Variants in BCL2L13 observed in about 807,000 individuals in gnomAD.
BCL2L13 encodes BCL2 like 13, also known as bcl-2-like protein 13.
A neutral mutation model predicts 25.8 loss-of-function variants in BCL2L13; 13 were observed. The observed-to-expected ratio is 0.50, with a 90% CI of 0.33 to 0.80. The LOEUF is 0.80. BCL2L13 is among the 30% of genes least tolerant of loss of function. The pLI, the probability that BCL2L13 is intolerant of heterozygous loss-of-function variation, is 0.02. For synonymous variants in BCL2L13, 244 were observed against 230.3 expected (o/e 1.06, Z -0.54); for missense variants, 504 against 574.9 (o/e 0.88, Z 1.26).
At chr22:17,721,117 C>A (rs2061112164) in intron 6 of BCL2L13, among the ~76,000 whole-genome samples, 1 of 151,948 alleles carries the variant, frequency 6.6e-6, no homozygotes, top group African/African-American at 2.4e-5. Context: ...TTACAGTGAG[C>A]CGAGATCGTG....
intron 6 of BCL2L13, among the ~76,000 whole-genome samples, chr22:17,705,123 A>AG (rs398036539): frequency 1.3e-5 from 2 of 149,440 alleles, no homozygotes; most frequent in Non-Finnish European, 3.0e-5. Context: ...TAAAAAAAAA[A>AG]TTATCTGGGT....
At chr22:17,631,847 G>A (rs1022975815) in intron 1 of BCL2L13, among the ~76,000 whole-genome samples, 1 of 147,404 alleles carries the variant, frequency 6.8e-6, no homozygotes, top group Non-Finnish European at 1.5e-5. Context: ...TCAGCCTCCT[G>A]TGTAGCTGGG....
At chr22:17,649,841 T>G (rs1295984963) in intron 1 of BCL2L13, among the ~76,000 whole-genome samples, 1 of 150,630 alleles carries the variant, frequency 6.6e-6, no homozygotes, top group African/African-American at 2.4e-5. Flanking sequence ...GTTATTAATT[T>G]TATCTATTCT....
At chr22:17,637,237 C>A (rs1449293573), upstream of BCL2L13, among the ~76,000 whole-genome samples, 1 of 149,172 alleles carries the variant, frequency 6.7e-6, no homozygotes, top group Admixed American at 6.7e-5. Context: ...AGAAACTCTG[C>A]CTCTACTAAA....
chr22:17,667,611 C>T (rs2059273552), intron 2 of BCL2L13, among the ~76,000 whole-genome samples: 1 of 152,046 alleles, frequency 6.6e-6, no homozygotes, highest in African/African-American at 2.4e-5. Context: ...CAGGTTCAAG[C>T]GATTCTCCTG....
intron 6 of BCL2L13, among the ~76,000 whole-genome samples, chr22:17,722,381 GT>G (rs2061168253): frequency 9.0e-6 from 1 of 110,858 alleles, no homozygotes; most frequent in Non-Finnish European, 1.7e-5. Context: ...CTACAGGGGT[GT>G]GTGTGTGTGT....
At chr22:17,638,164 A>G (rs1368693030), upstream of BCL2L13, 1 of 152,504 alleles carries the variant, frequency 6.6e-6, no homozygotes, top group African/African-American at 2.4e-5. Context: ...CATTAATACA[A>G]GTTAAGTATG....
chr22:17,661,497 C>G (rs2059065073), intron 2 of BCL2L13, among the ~76,000 whole-genome samples: 1 of 146,132 alleles, frequency 6.8e-6, no homozygotes, highest in African/African-American at 2.4e-5. Context: ...GGTTGAACCT[C>G]TGTCCCGGAG....
At chr22:17,646,206 T>C (rs1601489171) in intron 1 of BCL2L13, among the ~76,000 whole-genome samples, 2 of 151,610 alleles carry the variant, frequency 1.3e-5, no homozygotes, top group South Asian at 2.1e-4. Flanking sequence ...GGGTTACATA[T>C]TATGTTTAAT....
At chr22:17,674,950 G>A (rs948401074) in intron 2 of BCL2L13, among the ~76,000 whole-genome samples, 1 of 152,090 alleles carries the variant, frequency 6.6e-6, no homozygotes, top group South Asian at 2.1e-4. Context: ...AATTGTACAT[G>A]TCTATAGTAG....
In BCL2L13 at chr22:17,730,720, T is replaced by C. The variant is rs558644760; in HGVS notation, c.*3186T>C. ...TACCCATCAAGACGGCCTTGTAGGC[T>C]ATCTGATTGCTAACAGACACGACCT... On this transcript the variant is annotated 3_prime_UTR_variant, in exon 7 of 7. Coordinates refer to ENST00000317582, the MANE Select transcript of BCL2L13 (RefSeq NM_015367.4). The C allele has an allele frequency of 2.6e-5, 4 of 152,326 alleles. No homozygotes were observed. Among genetic ancestry groups the C allele is most frequent in the African/African-American group, 9.6e-5 (4 of 41,578 alleles). 9.4% of individuals were successfully genotyped at this position (152,326 alleles called of 1,614,324 possible).
chr22:17,702,401 A>C lies in BCL2L13; in HGVS notation c.600+15A>C. ...AAGGTGGCTGGGTATGAGCTGTTAT[A>C]TATTAAAAATATTTTCTTGAAAAAA... On this transcript the variant is annotated intron_variant, in intron 6 of 6. Coordinates refer to ENST00000317582, the MANE Select transcript of BCL2L13 (RefSeq NM_015367.4). 6.6e-7 allele frequency: 1 copy of C among 1,519,484 alleles called. No individual in the cohort carries two copies. Among genetic ancestry groups the C allele is most frequent in the Non-Finnish European group, 8.8e-7 (1 of 1,138,236 alleles). 94.1% of individuals were successfully genotyped at this position (1,519,484 alleles called of 1,614,324 possible).
chr22:17,722,090 AATAAGTAGATATGT>A lies in BCL2L13; in HGVS notation c.601-4583_601-4570del, dbSNP rs548743411. ...ATTTTATTATGTATAAATATATGCAAATAAGTAGATATGTATATATGTGCATTTAGTAAATAGGA... is the reference window on the plus strand; with the variant it reads ...ATTTTATTATGTATAAATATATGCAAATATATGTGCATTTAGTAAATAGGA... On this transcript the variant is annotated intron_variant, in intron 6 of 6. Transcript: ENST00000317582. Among the ~76,000 whole-genome samples the A allele has an allele frequency of 4.7e-4, 71 of 152,366 alleles. 3 individuals are homozygous for A. The South Asian group carries it at 0.015, about 32-fold the overall frequency.
At chr22:17,668,526 C>T (rs1297495376) in intron 2 of BCL2L13, among the ~76,000 whole-genome samples, 1 of 151,392 alleles carries the variant, frequency 6.6e-6, no homozygotes, top group Non-Finnish European at 1.5e-5. Context: ...TGTCTCAGCT[C>T]ACTGCAACCT....
At position 17,684,628 on chromosome 22, in the gene BCL2L13, A is replaced by G. The variant is rs1461861510; in HGVS notation, c.229+1307A>G. On this transcript the variant is annotated intron_variant, in intron 3 of 6. Coordinates refer to ENST00000317582, the MANE Select transcript of BCL2L13 (RefSeq NM_015367.4). ...GCCCAGGCTGGAGTGCAGTGGCACC[A>G]TCTCGGCCCACCACAACCTCCATCT... 3 of 453,658 alleles carry G rather than the reference A, an allele frequency of 6.6e-6. No individual in the cohort carries two copies. The Admixed American group carries it at 7.1e-5, about 11-fold the overall frequency. The allele number at this position is 453,658 out of a possible 1,614,324, so 28.1% of individuals were successfully genotyped here. A position where few individuals can be genotyped will look rare whatever the true frequency, so the allele number is the denominator to read the frequency against.
At chr22:17,675,650 C>T (rs1385558628) in intron 2 of BCL2L13, among the ~76,000 whole-genome samples, 1 of 152,112 alleles carries the variant, frequency 6.6e-6, no homozygotes, top group Non-Finnish European at 1.5e-5. Context: ...TTGAGTATGA[C>T]AGAGATTACC....
At chr22:17,642,129 CTTTT>C (rs35772364) in intron 1 of BCL2L13, among the ~76,000 whole-genome samples, 3 of 67,650 alleles carry the variant, frequency 4.4e-5, no homozygotes, top group African/African-American at 1.2e-4. Flanking sequence ...TGGCTTCTCT[CTTTT>C]TTTTTTTTTT....
chr22:17,665,621 G>C (rs942946256), intron 2 of BCL2L13, among the ~76,000 whole-genome samples: 1 of 152,138 alleles, frequency 6.6e-6, no homozygotes, highest in Non-Finnish European at 1.5e-5. Context: ...TGAGATTTGG[G>C]TTGGGACACA....
At chr22:17,693,387 T>G (rs1270120875) in intron 4 of BCL2L13, among the ~76,000 whole-genome samples, 4 of 135,960 alleles carry the variant, frequency 2.9e-5, no homozygotes, top group African/African-American at 5.5e-5. Context: ...TTTTTTTTTT[T>G]TTTTTTTTTG....
Sources: allele counts gnomAD v4.1 joint callset (sites outside exome capture counted in the v4.1 genomes callset), GRCh38; gene constraint gnomAD v4.1.1; transcripts MANE v1.5; gene names NCBI Gene and HGNC (gene_info 2026-07-23, HGNC 2026-07-21).